The following DNAH2 variants were observed in gnomAD, a reference collection of about 807,000 sequenced individuals.
DNAH2 encodes the protein dynein axonemal heavy chain 2, also known as axonemal beta dynein heavy chain 2.
A neutral mutation model predicts 523.5 loss-of-function variants in DNAH2; 323 were observed. The ratio of observed to expected loss-of-function variants is 0.62; its 90% CI spans 0.56 to 0.68. The LOEUF is 0.68. Ranked by LOEUF, DNAH2 falls within the 30% of genes least tolerant of loss-of-function variation. DNAH2 has a pLI of 0.00. For synonymous variants in DNAH2, 2,093 were observed against 2,177.4 expected (o/e 0.96, Z 1.08); for missense variants, 4,907 against 5,701.5 (o/e 0.86, Z 4.49).
At chr17:7,725,441 T>TATATATATATA (rs398119671) in intron 3 of DNAH2, among the ~76,000 whole-genome samples, 7 of 137,026 alleles carry the variant, frequency 5.1e-5, no homozygotes, top group East Asian at 2.3e-4. Flanking sequence ...TATATATATA[T>TATATATATATA]TTTCTTTTTG....
chr17:7,757,000 C>G (rs2075859557), intron 12 of DNAH2, 91 bp from the exon 13 acceptor site: 1 of 1,559,002 alleles, frequency 6.4e-7, no homozygotes, highest in Admixed American at 1.7e-5. Context: ...CGACATTTCC[C>G]TGTGCTTCCC....
rs1279068476 is a variant in DNAH2 at position 7,739,896 on chromosome 17, T to A, written c.1334T>A (p.Ile445Asn). The A allele has an allele frequency of 6.2e-7, 1 of 1,613,832 alleles. No homozygotes were observed. Among genetic ancestry groups the A allele is most frequent in the East Asian group, 2.2e-5 (1 of 44,886 alleles). ...LHTLRAVRGG[I>N]LDVKNTCWHE... Reference sequence around the variant, plus strand: ...ACGCTGCGAGCCGTTCGCGGGGGTATCCTGGATGTCAAGAACACCTGTTGG... The same window carrying A: ...ACGCTGCGAGCCGTTCGCGGGGGTAACCTGGATGTCAAGAACACCTGTTGG... Residue 445 changes from isoleucine to asparagine, a missense_variant, in exon 9 of 86, where the codon ATC becomes AAC. Physicochemically the swap from Ile to Asn is moderately radical, Grantham distance 149 (BLOSUM62 -3). Transcript: ENST00000572933.
chr17:7,796,735 C>G (rs2077074468), intron 50 of DNAH2, 83 bp downstream of exon 50: 1 of 1,449,838 alleles, frequency 6.9e-7, no homozygotes, highest in Admixed American at 2.2e-5. Context: ...CCTTAACACT[C>G]ACTAGCATGC....
intron 39 of DNAH2, among the ~76,000 whole-genome samples, chr17:7,785,382 C>T (rs912563732): frequency 2.2e-4 from 34 of 152,176 alleles, no homozygotes; most frequent in Admixed American, 2.2e-3. Context: ...GGATTACAGA[C>T]GTGAGCCACC....
chr17:7,833,307 CGCTCCTGCCCT>C (rs1233580523), intron 85 of DNAH2, 61 bp from the exon 86 acceptor site: 48 of 1,607,046 alleles, frequency 3.0e-5, no homozygotes, highest in African/African-American at 8.0e-5. Flanking sequence ...ATCCCACACC[CGCTCCTGCCCT>C]GCTCCTGCCC....
At chr17:7,726,913 T>A (rs373105343) in intron 3 of DNAH2, among the ~76,000 whole-genome samples, 69 of 152,262 alleles carry the variant, frequency 4.5e-4, no homozygotes, top group Middle Eastern at 3.4e-3. Context: ...TGTTTGTTTG[T>A]TTGTTTGTTT....
At chr17:7,804,233 C>T (rs200763140) in intron 58 of DNAH2, 23 bp from the exon 59 acceptor site, 190 of 1,613,004 alleles carry the variant, frequency 1.2e-4, no homozygotes, top group Non-Finnish European at 1.6e-4. Flanking sequence ...CCTCTCCACA[C>T]CCTGTCCTAT....
At chr17:7,761,398 G>A (rs1325624457) in intron 18 of DNAH2, among the ~76,000 whole-genome samples, 4 of 152,122 alleles carry the variant, frequency 2.6e-5, no homozygotes, top group Non-Finnish European at 5.9e-5. Flanking sequence ...CTCCTGAGTA[G>A]CTGGGACCAC....
intron 2 of DNAH2, among the ~76,000 whole-genome samples, chr17:7,723,233 G>A (rs1347767529): frequency 7.0e-6 from 1 of 142,554 alleles, no homozygotes; most frequent in Non-Finnish European, 1.5e-5. Context: ...GCCTCCCAAA[G>A]TGCTGGGATT....
Position 7,741,236 on chromosome 17 carries a change from CTCTTTCTT to C in DNAH2, c.1689+297_1689+304del, listed in dbSNP as rs71387996. 9.1e-3 allele frequency among the ~76,000 whole-genome samples: 778 copies of C among 85,536 alleles called. 11 individuals carry two copies. The highest frequency in any genetic ancestry group is 0.013 in the Non-Finnish European group (497 of 38,970). The allele number at this position is 85,536 out of a possible 152,430, so 56.1% of individuals were successfully genotyped here. On this transcript the variant is annotated intron_variant, in intron 11 of 85. Transcript: ENST00000572933. ...TCCTTCCTTTCTTTTTTTTCTCTCT[CTCTTTCTT>C]TCTTTCTTTCTTTCTTTCTTTCTTT...
intron 13 of DNAH2, 98 bp from the exon 14 acceptor site, chr17:7,758,397 T>A (rs1490500935): frequency 7.1e-7 from 1 of 1,409,612 alleles, no homozygotes; most frequent in Non-Finnish European, 9.5e-7. Context: ...TCTAGACTAG[T>A]GGTCTAGAAA....
chr17:7,824,000 C>CT lies in DNAH2; in HGVS notation c.11478+20dup. 1 of 1,608,358 alleles carries CT rather than the reference C, an allele frequency of 6.2e-7. No homozygotes were observed. The highest frequency in any genetic ancestry group is 8.5e-7 in the Non-Finnish European group (1 of 1,177,382). On this transcript the variant is annotated intron_variant, in intron 75 of 85. Coordinates refer to ENST00000572933, the MANE Select transcript of DNAH2 (RefSeq NM_020877.5). The stretch of plus-strand genomic sequence containing the variant: ...TGAAGTCGGTCGGTGGCTCGGCTTC[C>CT]TTGTCCCCACGGCCCATGGGTCTTT...
At chr17:7,764,888 G>C (rs533628601) in intron 20 of DNAH2, among the ~76,000 whole-genome samples, 1 of 140,380 alleles carries the variant, frequency 7.1e-6, no homozygotes, top group Non-Finnish European at 1.5e-5. Flanking sequence ...CATTACCCAG[G>C]CTGGAGTGCA....
At chr17:7,825,339 G>C (rs2077989287) in intron 77 of DNAH2, among the ~76,000 whole-genome samples, 1 of 152,116 alleles carries the variant, frequency 6.6e-6, no homozygotes, top group Admixed American at 6.5e-5. Flanking sequence ...GCGCTTAGTT[G>C]AGATCAAAAT....
Position 7,802,027 on chromosome 17 carries a change from G to C in DNAH2, c.8972+10G>C. 1 of 1,613,752 alleles carries C rather than the reference G, an allele frequency of 6.2e-7. No homozygotes were observed. The highest frequency in any genetic ancestry group is 1.3e-5 in the African/African-American group (1 of 75,038). Reference sequence around the variant, plus strand: ...TGTCTGGATATAAGAAGTATGAAGGGGGGCAGGGGATGTGCAGGGCCAGGG... The same window carrying C: ...TGTCTGGATATAAGAAGTATGAAGGCGGGCAGGGGATGTGCAGGGCCAGGG... On this transcript the variant is annotated intron_variant, in intron 58 of 85. Coordinates refer to ENST00000572933, the MANE Select transcript of DNAH2 (RefSeq NM_020877.5).
chr17:7,807,455 ACT>A lies in DNAH2; in HGVS notation c.9613-14_9613-13del. ...GTTGGTGGGCGACTCCCACAGCCTG[ACT>A]GTCTCCCCACAGCTGTATGGGCGGC... On this transcript the variant is annotated splice_polypyrimidine_tract_variant and intron_variant, in intron 62 of 85. Coordinates refer to ENST00000572933, the MANE Select transcript of DNAH2 (RefSeq NM_020877.5). This position sits in a 1 kb window ranked among gnomAD's most constrained non-coding sequence, Gnocchi z 5.6. The A allele has an allele frequency of 6.2e-7, 1 of 1,612,648 alleles. No individual in the cohort carries two copies. The highest frequency in any genetic ancestry group is 1.1e-5 in the South Asian group (1 of 91,078).
chr17:7,741,849 G>A lies in DNAH2; in HGVS notation c.1689+857G>A, dbSNP rs538696268. Among the ~76,000 whole-genome samples the A allele has an allele frequency of 3.0e-4, 46 of 150,856 alleles. 1 individual carries two copies. The highest frequency in any genetic ancestry group is 1.1e-3 in the African/African-American group (44 of 41,092). On this transcript the variant is annotated intron_variant, in intron 11 of 85. Transcript: ENST00000572933. ...CGGCTAATTTTGTATTTTTAGTAGAGAAGAGGTTTCTCCATGTTGGTCAGG... is the reference window on the plus strand; with the variant it reads ...CGGCTAATTTTGTATTTTTAGTAGAAAAGAGGTTTCTCCATGTTGGTCAGG...
intron 12 of DNAH2, among the ~76,000 whole-genome samples, chr17:7,751,826 C>A (rs58657621): frequency 0.098 from 14,922 of 151,680 alleles, 843 homozygotes; most frequent in Non-Finnish European, 0.11. Context: ...TAGTCTCATT[C>A]CTATTTTTAT....
At chr17:7,793,457 TTCTTTC>T (rs1567709063) in intron 48 of DNAH2, among the ~76,000 whole-genome samples, 1 of 110,290 alleles carries the variant, frequency 9.1e-6, no homozygotes, top group Non-Finnish European at 2.0e-5. Context: ...TTTTCTTTCT[TTCTTTC>T]TTTCTTTCTT....
Sources: gnomAD v4.1 joint callset for allele counts (sites outside exome capture counted in the v4.1 genomes callset) on GRCh38, gnomAD v4.1.1 for gene constraint, Gnocchi (gnomAD v3.1) non-coding constraint, MANE v1.5 for transcripts, NCBI Gene and HGNC (gene_info 2026-07-23, HGNC 2026-07-21) for gene names.